Variants in LRRC4C observed in about 807,000 individuals in gnomAD.
LRRC4C encodes the protein leucine-rich repeat-containing protein 4C.
A neutral mutation model predicts 33.6 loss-of-function variants in LRRC4C; 5 were observed. The ratio of observed to expected loss-of-function variants is 0.15; its 90% CI spans 0.08 to 0.31. LRRC4C has a LOEUF of 0.31. Among genes scored for constraint, LRRC4C ranks in the 10% least tolerant of loss-of-function variants. LRRC4C has a pLI of 1.00. For synonymous variants in LRRC4C, 329 were observed against 302.0 expected (o/e 1.09, Z -0.93); for missense variants, 560 against 796.7 (o/e 0.70, Z 3.58).
chr11:41,307,790 C>G (rs1950544927), intron 1 of LRRC4C, among the ~76,000 whole-genome samples: 1 of 152,162 alleles, frequency 6.6e-6, no homozygotes, highest in Non-Finnish European at 1.5e-5. Flanking sequence ...CTCCCTTCTT[C>G]CCTTTATTTA....
At chr11:40,370,170 G>A (rs1948389542) in intron 3 of LRRC4C, among the ~76,000 whole-genome samples, 1 of 152,114 alleles carries the variant, frequency 6.6e-6, no homozygotes, top group Non-Finnish European at 1.5e-5. Context: ...GGGACCCACT[G>A]AATTCAACAC....
At chr11:40,614,194 G>T (rs1284431751) in intron 3 of LRRC4C, among the ~76,000 whole-genome samples, 1 of 151,850 alleles carries the variant, frequency 6.6e-6, no homozygotes, top group Non-Finnish European at 1.5e-5. Context: ...TCTTCCAGTA[G>T]AAAGCTGTTT....
At chr11:40,860,664 A>C (rs1181425253) in intron 2 of LRRC4C, among the ~76,000 whole-genome samples, 1 of 151,886 alleles carries the variant, frequency 6.6e-6, no homozygotes, top group East Asian at 1.9e-4. Flanking sequence ...TATTGAATTA[A>C]TATCCCACTC....
chr11:41,199,275 A>T (rs1459582543), intron 1 of LRRC4C, among the ~76,000 whole-genome samples: 1 of 152,132 alleles, frequency 6.6e-6, no homozygotes, highest in Non-Finnish European at 1.5e-5. Flanking sequence ...CAACATTCTC[A>T]GCTTTTGGTG....
chr11:40,515,105 C>T (rs749872189), intron 3 of LRRC4C, among the ~76,000 whole-genome samples: 2 of 152,180 alleles, frequency 1.3e-5, no homozygotes, highest in Non-Finnish European at 2.9e-5. Flanking sequence ...TCAAACAAAA[C>T]GACTTTCATC....
chr11:41,387,900 A>G (rs2137962447), intron 1 of LRRC4C, among the ~76,000 whole-genome samples: 1 of 151,908 alleles, frequency 6.6e-6, no homozygotes, highest in South Asian at 2.1e-4. Flanking sequence ...TTTTCTAATC[A>G]CAGTGCAAGA....
intron 2 of LRRC4C, among the ~76,000 whole-genome samples, chr11:40,795,422 C>T (rs930491544): frequency 6.6e-6 from 1 of 151,894 alleles, no homozygotes; most frequent in South Asian, 2.1e-4. Context: ...CCCAGCTACT[C>T]GGGAGACTGA....
chr11:40,428,580 C>T (rs1950801184), intron 3 of LRRC4C, among the ~76,000 whole-genome samples: 1 of 152,162 alleles, frequency 6.6e-6, no homozygotes, highest in South Asian at 2.1e-4. Context: ...ATATCTCTCG[C>T]TTGTAGAATT....
At chr11:40,694,654 G>A (rs746600210) in intron 2 of LRRC4C, among the ~76,000 whole-genome samples, 12 of 152,086 alleles carry the variant, frequency 7.9e-5, no homozygotes, top group Non-Finnish European at 1.6e-4. Context: ...GTGCCACAAG[G>A]CAACAAAGTG....
intron 2 of LRRC4C, among the ~76,000 whole-genome samples, chr11:40,661,906 G>A (rs191961695): frequency 5.9e-5 from 9 of 152,190 alleles, no homozygotes; most frequent in Admixed American, 2.6e-4. Flanking sequence ...CAGAACATCC[G>A]CAGAGAGAAG....
intron 2 of LRRC4C, among the ~76,000 whole-genome samples, chr11:40,915,993 T>G (rs1272370391): frequency 2.1e-5 from 3 of 145,710 alleles, no homozygotes; most frequent in African/African-American, 7.3e-5. Flanking sequence ...AAAACCACAA[T>G]GAGATACCAG....
intron 5 of LRRC4C, among the ~76,000 whole-genome samples, chr11:40,192,607 T>C (rs1239247736): frequency 2.0e-5 from 3 of 152,054 alleles, no homozygotes; most frequent in Non-Finnish European, 2.9e-5. Context: ...GACAGAACCA[T>C]TCACTACCCT....
chr11:40,917,162 T>G (rs1433606022), intron 2 of LRRC4C, among the ~76,000 whole-genome samples: 1 of 152,152 alleles, frequency 6.6e-6, no homozygotes, highest in Non-Finnish European at 1.5e-5. Context: ...AACAGGAGGT[T>G]AAATTTTCAT....
intron 1 of LRRC4C, among the ~76,000 whole-genome samples, chr11:40,988,713 C>CTTTTTTTTTTTTTTTTT (rs869034558): frequency 1.7e-5 from 1 of 57,750 alleles, no homozygotes; most frequent in African/African-American, 4.5e-5. Context: ...CTTTTCTTTT[C>CTTTTTTTTTTTTTTTTT]TTTTTTTTTT....
At chr11:41,439,403 G>A (rs1487310075) in intron 1 of LRRC4C, among the ~76,000 whole-genome samples, 1 of 152,140 alleles carries the variant, frequency 6.6e-6, no homozygotes, top group African/African-American at 2.4e-5. Flanking sequence ...TAGTGGACTT[G>A]CTGGATCAAA....
At chr11:40,259,088 C>T (rs11035753) in intron 4 of LRRC4C, among the ~76,000 whole-genome samples, 26,580 of 152,074 alleles carry the variant, frequency 0.17, 2,695 homozygotes, top group Admixed American at 0.28. Context: ...TGCTGACTTG[C>T]CCAAAGACTC....
chr11:40,807,363 A>G (rs1951298454), intron 2 of LRRC4C, among the ~76,000 whole-genome samples: 1 of 152,192 alleles, frequency 6.6e-6, no homozygotes, highest in African/African-American at 2.4e-5. Context: ...AGACCCTGTA[A>G]TAGTAGGTCT....
intron 1 of LRRC4C, among the ~76,000 whole-genome samples, chr11:41,337,021 C>A (rs879818298): frequency 6.6e-6 from 1 of 151,894 alleles, no homozygotes; most frequent in Non-Finnish European, 1.5e-5. Context: ...CAGAAACAAG[C>A]CTCATAAAAA....
chr11:40,668,680 A>C (rs1396987729), intron 2 of LRRC4C, among the ~76,000 whole-genome samples: 1 of 152,186 alleles, frequency 6.6e-6, no homozygotes, highest in East Asian at 1.9e-4. Flanking sequence ...TGGGGAGAGA[A>C]AAAAGTAAAC....
Sources: allele counts gnomAD v4.1 joint callset (sites outside exome capture counted in the v4.1 genomes callset), GRCh38; gene constraint gnomAD v4.1.1; transcripts MANE v1.5; gene names NCBI Gene and HGNC (gene_info 2026-07-23, HGNC 2026-07-21).